Variants in CNTN1 observed in about 807,000 individuals in gnomAD.
CNTN1 encodes contactin-1.
In CNTN1, 38 loss-of-function variants were observed where a neutral mutation model predicts 126.4. The ratio of observed to expected loss-of-function variants is 0.30; its 90% confidence interval spans 0.23 to 0.39. The LOEUF is 0.39. CNTN1 is among the 10% of genes least tolerant of loss of function. The pLI, the probability that CNTN1 is intolerant of heterozygous loss-of-function variation, is 1.00. For missense variants in CNTN1, 1,009 were observed against 1,248.4 expected, an observed-to-expected ratio of 0.81 and a Z score of 2.89; for synonymous variants, 413 against 422.6, an observed-to-expected ratio of 0.98 and a Z score of 0.28.
intron 18 of CNTN1, 45 bp from the exon 19 acceptor site, chr12:41,016,637 T>A: frequency 8.0e-7 from 1 of 1,245,086 alleles, no homozygotes; most frequent in Non-Finnish European, 1.2e-6. Flanking sequence ...TCCTCCCTGT[T>A]ACCTGTATTA....
chr12:40,981,733 C>T (rs1485701208), intron 16 of CNTN1, among the ~76,000 whole-genome samples: 2 of 151,960 alleles, frequency 1.3e-5, no homozygotes, highest in Non-Finnish European at 2.9e-5. Context: ...CATATATTTT[C>T]TCCTGTAAAA....
At chr12:40,721,526 A>C (rs937219019) in intron 1 of CNTN1, among the ~76,000 whole-genome samples, 6 of 151,796 alleles carry the variant, frequency 4.0e-5, no homozygotes, top group African/African-American at 1.5e-4. Flanking sequence ...CTGTCTGCTG[A>C]ATTGGGACAT....
chr12:40,981,067 G>C lies in CNTN1; in HGVS notation c.1963G>C (p.Asp655His). ...LSDDWKDAKTDPPIIEGNMEA... is the reference protein window; with the variant it reads ...LSDDWKDAKTHPPIIEGNMEA... ...AGATGACTGGAAAGATGCAAAGACA[G>C]GTGAGTTTTATTTGTCTGATTAATC... The change falls in exon 16 of 24, where the codon GAT (aspartate) becomes CAT (histidine). Residue 655 changes from aspartate (D) to histidine (H), a missense_variant and splice_region_variant. By Grantham distance (81) the Asp-to-His change is moderately conservative. Coordinates refer to ENST00000551295, the MANE Select transcript of CNTN1 (RefSeq NM_001843.4). 6.2e-7 allele frequency: 1 copy of C among 1,612,206 alleles called. No homozygotes were observed. The highest frequency in any genetic ancestry group is 8.5e-7 in the Non-Finnish European group (1 of 1,179,582).
At chr12:40,994,109 C>A (rs1417015505) in intron 17 of CNTN1, among the ~76,000 whole-genome samples, 1 of 152,036 alleles carries the variant, frequency 6.6e-6, no homozygotes, top group African/African-American at 2.4e-5. Flanking sequence ...TTATGGTAAT[C>A]ATGTCTAGAT....
rs547585895 is a variant in CNTN1, at chr12:41,062,467, A to C, written c.2981-7492A>C. 9.8e-5 allele frequency among the ~76,000 whole-genome samples: 15 copies of C among 152,334 alleles called. 1 individual carries two copies. The South Asian group carries it at 3.1e-3, about 32-fold the overall frequency. ...CATCTCAACTCTAGTCTATACTTGC[A>C]TTGTTGATAACATTTAGACAGGATG... is the stretch of plus-strand genomic sequence containing the variant. On this transcript the variant is annotated intron_variant, in intron 23 of 23. Transcript: ENST00000551295.
At chr12:40,741,154 A>G (rs1937929490) in intron 1 of CNTN1, among the ~76,000 whole-genome samples, 1 of 152,112 alleles carries the variant, frequency 6.6e-6, no homozygotes, top group Admixed American at 6.6e-5. Context: ...AATTGCATAC[A>G]TGCCCAAACA....
At chr12:40,913,064 C>T (rs867576332) in intron 3 of CNTN1, among the ~76,000 whole-genome samples, 36 of 152,324 alleles carry the variant, frequency 2.4e-4, no homozygotes, top group African/African-American at 8.4e-4. Context: ...ATGTGACAGG[C>T]TCCCCTTGGG....
chr12:40,911,181 C>T (rs571395481), intron 3 of CNTN1, among the ~76,000 whole-genome samples: 11 of 152,230 alleles, frequency 7.2e-5, no homozygotes, highest in African/African-American at 2.6e-4. Flanking sequence ...CCGGGATTCA[C>T]GCCATTCTCC....
intron 16 of CNTN1, among the ~76,000 whole-genome samples, chr12:40,987,144 A>G (rs1019632130): frequency 6.6e-6 from 1 of 152,194 alleles, no homozygotes; most frequent in East Asian, 1.9e-4. Flanking sequence ...ATTTTCTGCA[A>G]CAAATACAGA....
intron 1 of CNTN1, among the ~76,000 whole-genome samples, chr12:40,872,571 CT>C (rs35866838): frequency 0.034 from 3,681 of 108,476 alleles, 38 homozygotes; most frequent in Non-Finnish European, 0.05. Flanking sequence ...TTTTTTCTTT[CT>C]TTTTTTTTTT....
Position 40,910,106 on chromosome 12 carries a change from G to A in CNTN1, c.94+1G>A, listed in dbSNP as rs1431824065. ...TGGTATAGAAGATATGGTCATGGAG[G>A]TAAGTTGACCAAAGAGTAGACCTTG... is the stretch of plus-strand genomic sequence containing the variant. On this transcript the variant is annotated splice_donor_variant, in intron 3 of 23. Coordinates refer to ENST00000551295, the MANE Select transcript of CNTN1 (RefSeq NM_001843.4). LOFTEE classifies it high-confidence loss of function. 1 of 1,603,704 alleles carries A rather than the reference G, an allele frequency of 6.2e-7. No homozygotes were observed. The highest frequency in any genetic ancestry group is 8.5e-7 in the Non-Finnish European group (1 of 1,171,560).
At chr12:40,985,221 G>C (rs1299810779) in intron 16 of CNTN1, among the ~76,000 whole-genome samples, 2 of 152,000 alleles carry the variant, frequency 1.3e-5, no homozygotes, top group South Asian at 2.1e-4. Context: ...TGTCATCTTA[G>C]ATGCCTTTTT....
At chr12:41,038,881 A>G (rs984134792) in intron 23 of CNTN1, among the ~76,000 whole-genome samples, 3 of 151,882 alleles carry the variant, frequency 2.0e-5, no homozygotes, top group Non-Finnish European at 4.4e-5. Context: ...GCTTATTCTG[A>G]TAAGGAAATG....
intron 23 of CNTN1, among the ~76,000 whole-genome samples, chr12:41,035,847 T>C (rs962042325): frequency 1.3e-5 from 2 of 152,024 alleles, no homozygotes; most frequent in Non-Finnish European, 2.9e-5. Flanking sequence ...GTAAGAGGGG[T>C]AAAGTTATGA....
At chr12:40,698,025 A>G (rs894835187) in intron 1 of CNTN1, among the ~76,000 whole-genome samples, 3 of 152,054 alleles carry the variant, frequency 2.0e-5, no homozygotes, top group Non-Finnish European at 2.9e-5. Context: ...CTTGATTTTG[A>G]TGGTGTAGAC....
chr12:40,851,185 G>C (rs921082300), intron 1 of CNTN1, among the ~76,000 whole-genome samples: 2 of 152,190 alleles, frequency 1.3e-5, no homozygotes, highest in Non-Finnish European at 2.9e-5. Flanking sequence ...GGTGGTAACA[G>C]AGTTTCCATG....
intron 2 of CNTN1, 123 bp from the exon 3 acceptor site, chr12:40,909,950 C>A: frequency 1.4e-6 from 1 of 727,390 alleles, no homozygotes; most frequent in Non-Finnish European, 2.5e-6. Flanking sequence ...ATACTTCAAC[C>A]TTTATAGTAA....
intron 12 of CNTN1, 138 bp from the exon 13 acceptor site, chr12:40,943,459 C>G: frequency 1.5e-6 from 1 of 657,816 alleles, no homozygotes; most frequent in Non-Finnish European, 2.6e-6. Context: ...TAGAATTTGT[C>G]ATCTTACAAA....
chr12:40,955,485 T>C (rs1415948904), intron 14 of CNTN1, among the ~76,000 whole-genome samples: 1 of 152,080 alleles, frequency 6.6e-6, no homozygotes, highest in Non-Finnish European at 1.5e-5. Flanking sequence ...CTCATAGATA[T>C]GGATAGCAAT....
Sources: allele counts gnomAD v4.1 joint callset (sites outside exome capture counted in the v4.1 genomes callset), GRCh38; gene constraint gnomAD v4.1.1; transcripts MANE v1.5; gene names NCBI Gene and HGNC (gene_info 2026-07-23, HGNC 2026-07-21).